ZNF462: variants seen among roughly 807,000 people sequenced by gnomAD.
ZNF462 encodes zinc finger protein 462.
Under a neutral mutation model 201.9 loss-of-function variants are expected in ZNF462, and 10 were observed. The ratio of observed to expected loss-of-function variants is 0.05; its 90% CI spans 0.03 to 0.08. The LOEUF is 0.08. Among genes scored for constraint, ZNF462 ranks in the 10% least tolerant of loss-of-function variants. ZNF462 has a pLI of 1.00. For missense variants in ZNF462, 2,523 were observed against 3,168.3 expected, an observed-to-expected ratio of 0.80 and a Z score of 4.89; for synonymous variants, 1,227 against 1,193.3, an observed-to-expected ratio of 1.03 and a Z score of -0.58.
intron 11 of ZNF462, among the ~76,000 whole-genome samples, chr9:107,007,589 A>G (rs918127600): frequency 6.6e-6 from 1 of 152,146 alleles, no homozygotes; most frequent in African/African-American, 2.4e-5. Context: ...CCCCTCGCCG[A>G]TCCTTGAAAG....
intron 4 of ZNF462, among the ~76,000 whole-genome samples, chr9:106,931,623 C>T (rs184442190): frequency 8.5e-5 from 13 of 152,268 alleles, no homozygotes; most frequent in African/African-American, 2.4e-4. Context: ...GTCCCAGGCT[C>T]GTTTCCTGGG....
intron 1 of ZNF462, among the ~76,000 whole-genome samples, chr9:106,884,904 C>G (rs1828253325): frequency 6.6e-6 from 1 of 152,100 alleles, no homozygotes; most frequent in South Asian, 2.1e-4. Context: ...TCAACACGGT[C>G]TAGGGTCTAA....
intron 6 of ZNF462, among the ~76,000 whole-genome samples, chr9:106,937,509 C>G (rs1830682015): frequency 6.6e-6 from 1 of 152,062 alleles, no homozygotes. Flanking sequence ...TTTTTCTTCT[C>G]TGAGTTTTAA....
rs755414804 is a variant in ZNF462 at position 106,971,992 on chromosome 9, C to T, written c.6428-13C>T. ...TCTCTGTGCCCCGTGTCATTTTTCCCGTCTCTTCACAGACTCATCATATTC... is the reference window on the plus strand; with the variant it reads ...TCTCTGTGCCCCGTGTCATTTTTCCTGTCTCTTCACAGACTCATCATATTC... On this transcript the variant is annotated splice_polypyrimidine_tract_variant and intron_variant, in intron 7 of 12. Transcript: ENST00000277225. 14 of 1,600,602 alleles carry T rather than the reference C, an allele frequency of 8.7e-6. No individual in the cohort carries two copies. The highest frequency in any genetic ancestry group is 2.2e-5 in the East Asian group (1 of 44,658).
At position 106,923,792 on chromosome 9, in the gene ZNF462, T is replaced by A. The variant is rs1271645358; in HGVS notation, c.220+189T>A. 6.6e-6 allele frequency among the ~76,000 whole-genome samples: 1 copy of A among 152,188 alleles called. No individual in the cohort carries two copies. The highest frequency in any genetic ancestry group is 1.5e-5 in the Non-Finnish European group (1 of 68,038). On this transcript the variant is annotated intron_variant, in intron 2 of 12. Coordinates refer to ENST00000277225, the MANE Select transcript of ZNF462 (RefSeq NM_021224.6). The surrounding 1 kb of genome is among the most constrained non-coding windows in gnomAD (Gnocchi z 5.6). Reference sequence around the variant, plus strand: ...AGGTTTTATCCTTTCGAAAGCTTCCTCATATATCCTACCTTTCAATTTGGA... The same window carrying A: ...AGGTTTTATCCTTTCGAAAGCTTCCACATATATCCTACCTTTCAATTTGGA...
rs536635164 is a variant in ZNF462, at chr9:106,932,643, G to T, written c.6116+94G>T. 2.6e-6 allele frequency: 4 copies of T among 1,512,106 alleles called. No homozygotes were observed. The African/African-American group carries it at 4.1e-5, about 16-fold the overall frequency. 93.7% of individuals were successfully genotyped at this position (1,512,106 alleles called of 1,614,324 possible). On this transcript the variant is annotated intron_variant, in intron 5 of 12. Coordinates refer to ENST00000277225, the MANE Select transcript of ZNF462 (RefSeq NM_021224.6). This position sits in a 1 kb window ranked among gnomAD's most constrained non-coding sequence, Gnocchi z 6.8. ...AGCAGAAGCTTGGATGAGTAAGAAG[G>T]CCCCACTCATGGTTCACACCTGCTG...
intron 11 of ZNF462, among the ~76,000 whole-genome samples, chr9:107,004,385 A>G (rs1829404599): frequency 6.6e-6 from 1 of 152,164 alleles, no homozygotes; most frequent in African/African-American, 2.4e-5. Flanking sequence ...AGAGGACTGT[A>G]CATTTAGCCT....
At chr9:106,877,366 T>G (rs1827880563) in intron 1 of ZNF462, among the ~76,000 whole-genome samples, 1 of 150,184 alleles carries the variant, frequency 6.7e-6, no homozygotes, top group Non-Finnish European at 1.5e-5. Flanking sequence ...CATTGGAATG[T>G]TGTTGTTATT....
chr9:106,999,913 G>C (rs1829054756), intron 10 of ZNF462, among the ~76,000 whole-genome samples: 1 of 152,150 alleles, frequency 6.6e-6, no homozygotes, highest in Non-Finnish European at 1.5e-5. Flanking sequence ...CAGCAAGTCT[G>C]TCCTCATAGT....
chr9:106,885,103 C>T lies in ZNF462; in HGVS notation c.-31+21748C>T, dbSNP rs1828262374. Among the ~76,000 whole-genome samples, 4 of 152,072 alleles carry T rather than the reference C, an allele frequency of 2.6e-5. No homozygotes were observed. The highest frequency in any genetic ancestry group is 2.6e-4 in the Admixed American group (4 of 15,260). Reference sequence around the variant, plus strand: ...TAATCTCAATAAAAAGGAAAATGGCCCTGTTGCAAAATTTGGCAGGTCAGA... The same window carrying T: ...TAATCTCAATAAAAAGGAAAATGGCTCTGTTGCAAAATTTGGCAGGTCAGA... On this transcript the variant is annotated intron_variant, in intron 1 of 12. Coordinates refer to ENST00000277225, the MANE Select transcript of ZNF462 (RefSeq NM_021224.6). This position sits in a 1 kb window ranked among gnomAD's most constrained non-coding sequence, Gnocchi z 4.1.
chr9:106,945,461 C>G (rs1018303807), intron 7 of ZNF462, among the ~76,000 whole-genome samples: 1 of 152,142 alleles, frequency 6.6e-6, no homozygotes, highest in African/African-American at 2.4e-5. Context: ...CCCTTCCACA[C>G]AGGTTCCAAT....
At position 106,926,314 on chromosome 9, in the gene ZNF462, A is replaced by G. The variant is rs764152279; in HGVS notation, c.2402A>G (p.Tyr801Cys). Residue 801 changes from tyrosine (Y) to cysteine (C), a missense_variant, in exon 3 of 13, where the codon TAT (tyrosine) becomes TGT (cysteine). Coordinates refer to ENST00000277225, the MANE Select transcript of ZNF462 (RefSeq NM_021224.6). The surrounding 1 kb of genome is among the most constrained non-coding windows in gnomAD (Gnocchi z 7.9). ...CTTTCTGAAGATGAAGAGGATTATT[A>G]TGGCTCCTCAACAAACTTGAAAGAT... ...LTLSEDEEDY[Y>C]GSSTNLKDHQ... The G allele has an allele frequency of 5.0e-6, 8 of 1,614,086 alleles. No homozygotes were observed. The highest frequency in any genetic ancestry group is 6.8e-6 in the Non-Finnish European group (8 of 1,180,050).
chr9:106,948,661 G>GTT (rs111870565), intron 7 of ZNF462, among the ~76,000 whole-genome samples: 5 of 144,624 alleles, frequency 3.5e-5, no homozygotes, highest in African/African-American at 7.5e-5. Flanking sequence ...ATTTAGTTTA[G>GTT]TTTTTTTTTT....
Position 106,984,098 on chromosome 9 carries a change from G to A in ZNF462, c.6833-88G>A, listed in dbSNP as rs750035268. ...AGATCCACGAGGAGCAGCAAGATTG[G>A]GTGAGTTTCTTCTTGTATTCCAAAG... On this transcript the variant is annotated intron_variant, in intron 9 of 12. Coordinates refer to ENST00000277225, the MANE Select transcript of ZNF462 (RefSeq NM_021224.6). This position sits in a 1 kb window ranked among gnomAD's most constrained non-coding sequence, Gnocchi z 6.4. 3.2e-6 allele frequency: 4 copies of A among 1,245,092 alleles called. No homozygotes were observed. Among genetic ancestry groups the A allele is most frequent in the Non-Finnish European group, 3.4e-6 (3 of 880,060 alleles). 77.1% of individuals were successfully genotyped at this position (1,245,092 alleles called of 1,614,324 possible). A position where few individuals can be genotyped will look rare whatever the true frequency, so the allele number is the denominator to read the frequency against.
intron 1 of ZNF462, among the ~76,000 whole-genome samples, chr9:106,869,241 A>G (rs1827481005): frequency 6.6e-6 from 1 of 152,196 alleles, no homozygotes; most frequent in African/African-American, 2.4e-5. Flanking sequence ...ATCCAGTCTG[A>G]AACAATTACT....
At chr9:106,892,769 G>A (rs1184843209) in intron 1 of ZNF462, among the ~76,000 whole-genome samples, 1 of 151,968 alleles carries the variant, frequency 6.6e-6, no homozygotes, top group Non-Finnish European at 1.5e-5. Flanking sequence ...AAAGAAATAG[G>A]CCTGTTTCCT....
chr9:106,939,461 C>G (rs1298183150), intron 7 of ZNF462, among the ~76,000 whole-genome samples: 1 of 152,110 alleles, frequency 6.6e-6, no homozygotes, highest in African/African-American at 2.4e-5. Context: ...TATATCCTGT[C>G]TTGTTCTAAA....
intron 1 of ZNF462, among the ~76,000 whole-genome samples, chr9:106,892,297 G>A (rs772284218): frequency 1.3e-4 from 20 of 152,282 alleles, no homozygotes; most frequent in Non-Finnish European, 2.4e-4. Flanking sequence ...TAACGAAAGT[G>A]CAACTCAGAA....
intron 10 of ZNF462, among the ~76,000 whole-genome samples, chr9:106,989,419 A>G (rs563820409): frequency 1.3e-5 from 2 of 151,954 alleles, no homozygotes; most frequent in African/African-American, 4.8e-5. Context: ...TCTTTTTGAT[A>G]TGTTGTTGAG....
Sources: allele counts gnomAD v4.1 joint callset (sites outside exome capture counted in the v4.1 genomes callset), GRCh38; gene constraint gnomAD v4.1.1; non-coding constraint Gnocchi (gnomAD v3.1); transcripts MANE v1.5; gene names NCBI Gene and HGNC (gene_info 2026-07-23, HGNC 2026-07-21).